The following PKN2 variants were observed in gnomAD, a reference collection of about 807,000 sequenced individuals.
The protein encoded by PKN2 is protein kinase N2, also known as serine/threonine-protein kinase N2.
In PKN2, 38 loss-of-function variants were observed where a neutral mutation model predicts 119.1. That is an observed-to-expected ratio of 0.32 (90% CI 0.25 to 0.42). PKN2 has a LOEUF of 0.42. Ranked by LOEUF, PKN2 falls within the 10% of genes least tolerant of loss-of-function variation. The pLI, the probability that PKN2 is intolerant of heterozygous loss-of-function variation, is 1.00. For missense variants in PKN2, 850 were observed against 1,165.1 expected (o/e 0.73, Z 3.94); for synonymous variants, 390 against 384.9 (o/e 1.01, Z -0.15).
chr1:88,733,116 A>G (rs1044239386), intron 1 of PKN2, among the ~76,000 whole-genome samples: 1 of 152,232 alleles, frequency 6.6e-6, no homozygotes, highest in African/African-American at 2.4e-5. Context: ...TTGATTCCAT[A>G]TCTTGGCTAT....
intron 1 of PKN2, among the ~76,000 whole-genome samples, chr1:88,718,997 A>T (rs1022526571): frequency 3.3e-5 from 5 of 152,068 alleles, no homozygotes; most frequent in Admixed American, 1.3e-4. Context: ...CTAAACCCCC[A>T]CCTACTATGC....
intron 8 of PKN2, among the ~76,000 whole-genome samples, chr1:88,797,482 A>G (rs1233655189): frequency 6.6e-6 from 1 of 151,316 alleles, no homozygotes; most frequent in Non-Finnish European, 1.5e-5. Context: ...TCTCTACTAA[A>G]TATACAAAAA....
intron 3 of PKN2, among the ~76,000 whole-genome samples, chr1:88,764,611 C>G (rs934752335): frequency 2.6e-5 from 4 of 152,260 alleles, no homozygotes; most frequent in Non-Finnish European, 5.9e-5. Flanking sequence ...GGCCGTTTAT[C>G]TTCCTCTGGC....
intron 7 of PKN2, among the ~76,000 whole-genome samples, chr1:88,785,442 T>C (rs1269188372): frequency 6.6e-6 from 1 of 152,192 alleles, no homozygotes; most frequent in East Asian, 1.9e-4. Flanking sequence ...TTTAATGGTT[T>C]AGTGACACTT....
chr1:88,700,283 G>T (rs193087736), intron 1 of PKN2, among the ~76,000 whole-genome samples: 1 of 152,170 alleles, frequency 6.6e-6, no homozygotes, highest in East Asian at 1.9e-4. Flanking sequence ...GGGATTTCTG[G>T]TTGAATGATA....
intron 8 of PKN2, among the ~76,000 whole-genome samples, chr1:88,789,333 A>C (rs1440201915): frequency 2.0e-5 from 3 of 152,160 alleles, no homozygotes; most frequent in African/African-American, 7.2e-5. Context: ...GTATGATGAC[A>C]GGAGTGAAAC....
chr1:88,691,748 A>G (rs938583486), intron 1 of PKN2, among the ~76,000 whole-genome samples: 2 of 152,142 alleles, frequency 1.3e-5, no homozygotes, highest in African/African-American at 4.8e-5. Flanking sequence ...CCACGGTTTC[A>G]GTTACCCATG....
chr1:88,808,506 A>ATTGTATT (rs1446184299), intron 15 of PKN2, among the ~76,000 whole-genome samples: 2 of 151,942 alleles, frequency 1.3e-5, no homozygotes, highest in African/African-American at 4.8e-5. Context: ...GGGTTTCACC[A>ATTGTATT]TGTTAGCCAG....
At chr1:88,757,189 C>G (rs79692157) in intron 2 of PKN2, among the ~76,000 whole-genome samples, 3,623 of 152,192 alleles carry the variant, frequency 0.024, 69 homozygotes, top group Non-Finnish European at 0.037. Context: ...TGCCTGTTTC[C>G]TGATATGTAA....
intron 1 of PKN2, among the ~76,000 whole-genome samples, chr1:88,711,312 A>G (rs903584612): frequency 6.6e-6 from 1 of 152,128 alleles, no homozygotes; most frequent in Non-Finnish European, 1.5e-5. Flanking sequence ...AGAAGTGGAA[A>G]AAAAAAAGAA....
At chr1:88,707,463 A>T (rs991536268) in intron 1 of PKN2, among the ~76,000 whole-genome samples, 4 of 152,096 alleles carry the variant, frequency 2.6e-5, no homozygotes, top group Non-Finnish European at 5.9e-5. Flanking sequence ...ATAGATGATT[A>T]TATGAATTGC....
At chr1:88,789,271 G>C (rs1279528729) in intron 8 of PKN2, among the ~76,000 whole-genome samples, 1 of 152,170 alleles carries the variant, frequency 6.6e-6, no homozygotes, top group African/African-American at 2.4e-5. Flanking sequence ...TGTTCAGAGA[G>C]AAAGATGCAG....
chr1:88,693,312 T>C (rs531107554), intron 1 of PKN2, among the ~76,000 whole-genome samples: 1 of 152,288 alleles, frequency 6.6e-6, no homozygotes, highest in African/African-American at 2.4e-5. Context: ...AATATTAATC[T>C]TCTGAACAGT....
chr1:88,708,884 G>C (rs17130582), intron 1 of PKN2, among the ~76,000 whole-genome samples: 17,057 of 151,540 alleles, frequency 0.11, 1,968 homozygotes, highest in African/African-American at 0.3. Flanking sequence ...GCAAGTAGCA[G>C]TCTTTATTTC....
intron 1 of PKN2, among the ~76,000 whole-genome samples, chr1:88,694,393 G>A (rs11799810): frequency 0.075 from 11,481 of 152,120 alleles, 905 homozygotes; most frequent in African/African-American, 0.2. Context: ...TTTTACATGG[G>A]TTTCTTTCAC....
chr1:88,755,136 TA>T (rs1202961499), intron 2 of PKN2, among the ~76,000 whole-genome samples: 3 of 152,168 alleles, frequency 2.0e-5, no homozygotes, highest in Non-Finnish European at 4.4e-5. Flanking sequence ...ACAGAGTTTT[TA>T]AAAAATTTTT....
At chr1:88,797,649 AAAAGAGAG>A (rs1671142006) in intron 8 of PKN2, among the ~76,000 whole-genome samples, 1 of 151,554 alleles carries the variant, frequency 6.6e-6, no homozygotes. Context: ...AAAAAAAAAA[AAAAGAGAG>A]AGAATGTCTT....
intron 1 of PKN2, among the ~76,000 whole-genome samples, chr1:88,719,295 G>A (rs1330201789): frequency 6.6e-6 from 1 of 152,080 alleles, no homozygotes; most frequent in Non-Finnish European, 1.5e-5. Flanking sequence ...TTTCCTCAGG[G>A]ATGTGGTTTT....
At chr1:88,824,516 T>TA (rs1242094397) in intron 18 of PKN2, 130 bp downstream of exon 18, 1 of 589,806 alleles carries the variant, frequency 1.7e-6, no homozygotes, top group Non-Finnish European at 3.0e-6. Context: ...ACATTGTAGA[T>TA]ACAATGAAAA....
Sources: gnomAD v4.1 joint callset for allele counts (sites outside exome capture counted in the v4.1 genomes callset) on GRCh38, gnomAD v4.1.1 for gene constraint, MANE v1.5 for transcripts, NCBI Gene and HGNC (gene_info 2026-07-23, HGNC 2026-07-21) for gene names.